Variants in CSGALNACT1 observed in about 807,000 individuals in gnomAD.
CSGALNACT1 encodes chondroitin sulfate N-acetylgalactosaminyltransferase 1.
In CSGALNACT1, 52 loss-of-function variants were observed where a neutral mutation model predicts 51.0. The observed-to-expected ratio is 1.02, with a 90% CI of 0.82 to 1.29. CSGALNACT1 has a LOEUF of 1.29. CSGALNACT1 is among the 50% of genes most tolerant of loss of function. The pLI is 0.00. For synonymous variants in CSGALNACT1, 341 were observed against 254.4 expected (o/e 1.34, Z -3.24); for missense variants, 935 against 679.2 (o/e 1.38, Z -4.19).
At chr8:19,607,055 T>G (rs1370679413), upstream of CSGALNACT1, among the ~76,000 whole-genome samples, 1 of 151,474 alleles carries the variant, frequency 6.6e-6, no homozygotes, top group Non-Finnish European at 1.5e-5. Context: ...CTCTGGAGGC[T>G]GAGGCAGGAG....
intron 1 of CSGALNACT1, among the ~76,000 whole-genome samples, chr8:19,727,046 G>A: frequency 6.6e-6 from 1 of 152,094 alleles, no homozygotes; most frequent in East Asian, 1.9e-4. Flanking sequence ...TCAAATCCCT[G>A]GGAAGAAGCT....
intron 5 of CSGALNACT1, among the ~76,000 whole-genome samples, chr8:19,441,910 A>G (rs2153758150): frequency 6.6e-6 from 1 of 152,354 alleles, no homozygotes; most frequent in African/African-American, 2.4e-5. Context: ...TGGGCGAAGG[A>G]TATGAACAGA....
intron 6 of CSGALNACT1, among the ~76,000 whole-genome samples, chr8:19,421,032 G>A (rs530837721): frequency 2.0e-5 from 3 of 152,302 alleles, no homozygotes; most frequent in South Asian, 2.1e-4. Context: ...CCGCATCCTC[G>A]GGTAAAGCAG....
chr8:19,545,178 C>G (rs1008723504), intron 3 of CSGALNACT1, among the ~76,000 whole-genome samples: 15 of 152,286 alleles, frequency 9.8e-5, no homozygotes, highest in African/African-American at 3.6e-4. Context: ...TTGACCCAGT[C>G]TTGCCTGTCA....
intron 6 of CSGALNACT1, among the ~76,000 whole-genome samples, chr8:19,437,323 G>T (rs1199758759): frequency 6.6e-6 from 1 of 152,154 alleles, no homozygotes; most frequent in Non-Finnish European, 1.5e-5. Flanking sequence ...ATCAAATTCT[G>T]CTCCCAGTTT....
intron 1 of CSGALNACT1, among the ~76,000 whole-genome samples, chr8:19,611,543 T>A (rs2052262468): frequency 6.6e-6 from 1 of 152,154 alleles, no homozygotes; most frequent in Non-Finnish European, 1.5e-5. Context: ...ACACCTACTA[T>A]TCAGGAACAT....
chr8:19,730,122 C>G (rs2063610625), intron 1 of CSGALNACT1, among the ~76,000 whole-genome samples: 2 of 152,174 alleles, frequency 1.3e-5, no homozygotes, highest in South Asian at 4.1e-4. Flanking sequence ...AATCACGACT[C>G]TCATCTGCCT....
intron 1 of CSGALNACT1, among the ~76,000 whole-genome samples, chr8:19,665,418 C>T (rs2059105723): frequency 6.6e-6 from 1 of 151,956 alleles, no homozygotes; most frequent in African/African-American, 2.4e-5. Context: ...AGCTTGCTTC[C>T]TAAGATAACG....
chr8:19,617,114 T>C (rs1441473468), intron 1 of CSGALNACT1, among the ~76,000 whole-genome samples: 1 of 152,196 alleles, frequency 6.6e-6, no homozygotes, highest in Non-Finnish European at 1.5e-5. Flanking sequence ...CATCAGGCAT[T>C]ACAATCTCAT....
intron 1 of CSGALNACT1, among the ~76,000 whole-genome samples, chr8:19,613,090 T>A (rs1390310731): frequency 6.6e-6 from 1 of 151,690 alleles, no homozygotes; most frequent in Non-Finnish European, 1.5e-5. Context: ...GAAAAACACT[T>A]CTCATGTGTG....
chr8:19,506,661 G>C (rs1217329967), intron 3 of CSGALNACT1, among the ~76,000 whole-genome samples: 1 of 152,166 alleles, frequency 6.6e-6, no homozygotes, highest in Admixed American at 6.5e-5. Context: ...TGCCATTCTT[G>C]CTGGAGTGAG....
intron 1 of CSGALNACT1, among the ~76,000 whole-genome samples, chr8:19,632,864 C>A (rs1049007693): frequency 6.6e-6 from 1 of 152,082 alleles, no homozygotes; most frequent in African/African-American, 2.4e-5. Context: ...CATTGATCCT[C>A]CTGCCTTAGC....
chr8:19,556,521 G>C (rs568763546), intron 3 of CSGALNACT1, among the ~76,000 whole-genome samples: 26 of 152,266 alleles, frequency 1.7e-4, no homozygotes, highest in African/African-American at 5.1e-4. Flanking sequence ...CATCAATTCA[G>C]AGTCAATATT....
rs910157900 is a variant in CSGALNACT1, at chr8:19,441,057, T to G, written c.852-1126A>C. Among the ~76,000 whole-genome samples the G allele has an allele frequency of 1.5e-4, 23 of 152,124 alleles. No individual in the cohort carries two copies. The South Asian group carries it at 1.7e-3, about 11-fold the overall frequency. On this transcript the variant is annotated intron_variant, in intron 5 of 9. Coordinates refer to ENST00000454498, the Ensembl canonical transcript of CSGALNACT1. ...AGGAGAACTACAAACCACTGCTCAA[T>G]GAAATAAAAGAGGATACAACCAAAT...
chr8:19,530,243 AAAACAAAAC>A (rs1287434376), intron 3 of CSGALNACT1, among the ~76,000 whole-genome samples: 30 of 151,742 alleles, frequency 2.0e-4, no homozygotes, highest in African/African-American at 6.3e-4. Context: ...AAAACAAAAC[AAAACAAAAC>A]AAAAAAAATT....
rs74352154 is a variant in CSGALNACT1, at chr8:19,486,791, G to T, written c.634+18410C>A. ...TCAGCTATGGAATTTGCTTACTTAG[G>T]TTCATGTTTATCATCTCCTCAACTA... On this transcript the variant is annotated intron_variant, in intron 4 of 9. Transcript: ENST00000454498. 4.2e-3 allele frequency among the ~76,000 whole-genome samples: 634 copies of T among 152,196 alleles called. 2 individuals are homozygous for T. The highest frequency in any genetic ancestry group is 6.8e-3 in the Middle Eastern group (2 of 294).
chr8:19,651,533 G>T (rs1029863094), intron 1 of CSGALNACT1, among the ~76,000 whole-genome samples: 1 of 151,794 alleles, frequency 6.6e-6, no homozygotes, highest in Admixed American at 6.6e-5. Context: ...TTCTGTTCCT[G>T]CATTAATTCA....
intron 6 of CSGALNACT1, among the ~76,000 whole-genome samples, chr8:19,436,064 G>A (rs190269187): frequency 2.6e-5 from 4 of 152,134 alleles, no homozygotes; most frequent in Non-Finnish European, 5.9e-5. Context: ...GCAGAACACT[G>A]ATCTATAGCA....
chr8:19,662,355 T>C (rs1321295937), intron 1 of CSGALNACT1, among the ~76,000 whole-genome samples: 7 of 152,012 alleles, frequency 4.6e-5, no homozygotes, highest in Non-Finnish European at 7.4e-5. Context: ...CACTCCAGTC[T>C]GGGCGACAGA....
Sources: gnomAD v4.1 joint callset for allele counts (sites outside exome capture counted in the v4.1 genomes callset) on GRCh38, gnomAD v4.1.1 for gene constraint, MANE v1.5 for transcripts, NCBI Gene and HGNC (gene_info 2026-07-23, HGNC 2026-07-21) for gene names.